ZCCHC14: variants seen among roughly 807,000 people sequenced by gnomAD.
ZCCHC14 encodes the protein zinc finger CCHC-type containing 14.
Under a neutral mutation model 85.0 loss-of-function variants are expected in ZCCHC14, and 16 were observed. The observed-to-expected ratio is 0.19, with a 90% CI of 0.13 to 0.29. The LOEUF (loss-of-function observed/expected upper bound fraction) is 0.29, where lower values mean the gene tolerates loss of function less well. ZCCHC14 is among the 10% of genes least tolerant of loss of function. ZCCHC14 has a pLI of 1.00. For missense variants in ZCCHC14, 1,303 were observed against 1,443.5 expected (o/e 0.90, Z 1.58); for synonymous variants, 775 against 630.7 (o/e 1.23, Z -3.43).
At chr16:87,425,718 A>T (rs1237040524) in intron 3 of ZCCHC14, among the ~76,000 whole-genome samples, 1 of 152,190 alleles carries the variant, frequency 6.6e-6, no homozygotes, top group Non-Finnish European at 1.5e-5. Flanking sequence ...CTCCAAGAAC[A>T]CCACCACCAA....
Position 87,491,581 on chromosome 16 carries a change from G to T in ZCCHC14, c.570+88C>A. The T allele has an allele frequency of 3.2e-6, 4 of 1,233,858 alleles. No individual in the cohort carries two copies. The highest frequency in any genetic ancestry group is 3.4e-5 in the East Asian group (1 of 29,606). The allele number at this position is 1,233,858 out of a possible 1,614,324, so 76.4% of individuals were successfully genotyped here. A position where few individuals can be genotyped will look rare whatever the true frequency, so the allele number is the denominator to read the frequency against. Reference sequence around the variant, plus strand: ...CAGTGCAGGCTGGAGGCGTGGGTCGGGGGGTCGCGGTGCAGGCTGGAGGCT... The same window carrying T: ...CAGTGCAGGCTGGAGGCGTGGGTCGTGGGGTCGCGGTGCAGGCTGGAGGCT... On this transcript the variant is annotated intron_variant, in intron 1 of 12. Coordinates refer to ENST00000671377, the MANE Select transcript of ZCCHC14 (RefSeq NM_015144.3). The surrounding 1 kb of genome is among the most constrained non-coding windows in gnomAD (Gnocchi z 5.9).
chr16:87,462,752 GAAAAAAGAA>G (rs1911331413), intron 1 of ZCCHC14, among the ~76,000 whole-genome samples: 2 of 119,822 alleles, frequency 1.7e-5, no homozygotes, highest in African/African-American at 6.2e-5. Context: ...AAAAAAAAAA[GAAAAAAGAA>G]AAAAGAAAAA....
rs540344889 is a variant in ZCCHC14 at position 87,408,851 on chromosome 16, T to C, written c.*1429A>G. The C allele has an allele frequency of 1.3e-5, 2 of 152,612 alleles. No individual in the cohort carries two copies. Among genetic ancestry groups the C allele is most frequent in the African/African-American group, 4.8e-5 (2 of 41,462 alleles). The allele number at this position is 152,612 out of a possible 1,614,324, so 9.5% of individuals were successfully genotyped here. ...ATAGTCTGAATATTATAATTTTTTT[T>C]AAAATAAATATCCAACTGCAAAATC... On this transcript the variant is annotated 3_prime_UTR_variant, in exon 13 of 13. Transcript: ENST00000671377.
chr16:87,474,746 G>A (rs545260534), intron 1 of ZCCHC14, among the ~76,000 whole-genome samples: 1 of 152,224 alleles, frequency 6.6e-6, no homozygotes, highest in Admixed American at 6.5e-5. Flanking sequence ...GATGATCGCA[G>A]CTGGAAAGCG....
chr16:87,449,985 C>T (rs1910617429), intron 2 of ZCCHC14, among the ~76,000 whole-genome samples: 2 of 152,178 alleles, frequency 1.3e-5, no homozygotes, highest in Non-Finnish European at 1.5e-5. Context: ...GTCGAGGCTG[C>T]ACTGAACTGA....
chr16:87,468,613 G>A (rs1567538429), intron 1 of ZCCHC14, among the ~76,000 whole-genome samples: 1 of 152,160 alleles, frequency 6.6e-6, no homozygotes, highest in African/African-American at 2.4e-5. Flanking sequence ...TTAGCACACT[G>A]TTAGATGTTT....
chr16:87,477,778 T>C (rs1473794649), intron 1 of ZCCHC14, among the ~76,000 whole-genome samples: 3 of 151,424 alleles, frequency 2.0e-5, no homozygotes, highest in African/African-American at 7.3e-5. Flanking sequence ...CGCATCCCCC[T>C]GAGCCTGCTG....
At chr16:87,447,061 C>T (rs1210147643) in intron 2 of ZCCHC14, among the ~76,000 whole-genome samples, 1 of 152,200 alleles carries the variant, frequency 6.6e-6, no homozygotes, top group African/African-American at 2.4e-5. Flanking sequence ...ATTCAAAATA[C>T]ATATAACGTC....
chr16:87,416,681 G>A (rs901298740), intron 8 of ZCCHC14, among the ~76,000 whole-genome samples: 3 of 152,078 alleles, frequency 2.0e-5, no homozygotes, highest in Admixed American at 6.6e-5. Flanking sequence ...GCTTGAACCC[G>A]GGAGGCAGAG....
At chr16:87,414,162 C>T (rs1173917504) in intron 10 of ZCCHC14, among the ~76,000 whole-genome samples, 1 of 150,840 alleles carries the variant, frequency 6.6e-6, no homozygotes, top group Non-Finnish European at 1.5e-5. Context: ...GCACACGGGC[C>T]CTCTCTGTGT....
intron 8 of ZCCHC14, among the ~76,000 whole-genome samples, chr16:87,416,156 C>A (rs1261548869): frequency 1.3e-5 from 2 of 151,972 alleles, no homozygotes; most frequent in African/African-American, 2.4e-5. Context: ...CAACTCCTGA[C>A]CTCAGATGAT....
intron 1 of ZCCHC14, chr16:87,474,190 C>G (rs1911899997): frequency 6.6e-6 from 1 of 152,396 alleles, no homozygotes; most frequent in Admixed American, 6.5e-5. Flanking sequence ...GCTTCTCTGG[C>G]AAGTTCACCA....
chr16:87,467,101 C>A, intron 1 of ZCCHC14: 1 of 655,052 alleles, frequency 1.5e-6, no homozygotes, highest in Non-Finnish European at 2.7e-6. Flanking sequence ...CCCCATCTGA[C>A]CTCTAACTCC....
At chr16:87,461,819 G>C (rs1290570781) in intron 1 of ZCCHC14, among the ~76,000 whole-genome samples, 2 of 152,236 alleles carry the variant, frequency 1.3e-5, no homozygotes, top group Non-Finnish European at 2.9e-5. Context: ...GAGATCCTCT[G>C]ATCCCAGCTC....
intron 1 of ZCCHC14, among the ~76,000 whole-genome samples, chr16:87,490,833 A>C (rs773849667): frequency 2.0e-5 from 3 of 152,226 alleles, no homozygotes; most frequent in Non-Finnish European, 4.4e-5. Flanking sequence ...ACATGCCCAC[A>C]TGCGACACAC....
At chr16:87,431,404 C>T (rs1187239203) in intron 3 of ZCCHC14, among the ~76,000 whole-genome samples, 6 of 138,574 alleles carry the variant, frequency 4.3e-5, no homozygotes, top group Middle Eastern at 3.9e-3. Context: ...ACCCGGGAGG[C>T]GGAGCTTACA....
chr16:87,430,860 C>A (rs1432387630), intron 3 of ZCCHC14, among the ~76,000 whole-genome samples: 1 of 151,500 alleles, frequency 6.6e-6, no homozygotes, highest in Non-Finnish European at 1.5e-5. Flanking sequence ...ATAGAAAAAT[C>A]TGGCCAGGTG....
At chr16:87,411,107 G>A (rs934257623) in intron 12 of ZCCHC14, among the ~76,000 whole-genome samples, 11 of 152,234 alleles carry the variant, frequency 7.2e-5, no homozygotes, top group Non-Finnish European at 1.2e-4. Flanking sequence ...CCACAGCCGC[G>A]CCGGCAGGGA....
At chr16:87,480,923 G>A (rs775225715) in intron 1 of ZCCHC14, among the ~76,000 whole-genome samples, 6 of 152,194 alleles carry the variant, frequency 3.9e-5, no homozygotes, top group African/African-American at 7.2e-5. Context: ...GAGGAACTGC[G>A]CCTACAGAGA....
Sources: gnomAD v4.1 joint callset for allele counts (sites outside exome capture counted in the v4.1 genomes callset) on GRCh38, gnomAD v4.1.1 for gene constraint, Gnocchi (gnomAD v3.1) non-coding constraint, MANE v1.5 for transcripts, NCBI Gene and HGNC (gene_info 2026-07-23, HGNC 2026-07-21) for gene names.